GPATCH8: variants seen among roughly 807,000 people sequenced by gnomAD.
The protein encoded by GPATCH8 is G patch domain-containing protein 8.
Under a neutral mutation model 118.3 loss-of-function variants are expected in GPATCH8, and 18 were observed. That is an observed-to-expected ratio of 0.15 (90% confidence interval 0.11 to 0.23). The LOEUF (loss-of-function observed/expected upper bound fraction) is 0.23, where lower values mean the gene tolerates loss of function less well. Among genes scored for constraint, GPATCH8 ranks in the 10% least tolerant of loss-of-function variants. The pLI is 1.00. For synonymous variants in GPATCH8, 659 were observed against 684.7 expected, an observed-to-expected ratio of 0.96 and a Z score of 0.59; for missense variants, 1,631 against 1,873.8, an observed-to-expected ratio of 0.87 and a Z score of 2.39.
At chr17:44,452,950 C>T (rs1400870841) in intron 3 of GPATCH8, among the ~76,000 whole-genome samples, 1 of 152,168 alleles carries the variant, frequency 6.6e-6, no homozygotes, top group Middle Eastern at 3.4e-3. Context: ...ACCTCATTCT[C>T]CCAGGTGGCT....
At chr17:44,437,134 A>G (rs1026552257) in intron 3 of GPATCH8, among the ~76,000 whole-genome samples, 3 of 152,222 alleles carry the variant, frequency 2.0e-5, no homozygotes, top group African/African-American at 7.2e-5. Context: ...AAGTTTAAAT[A>G]AAAAGAAACA....
Position 44,399,042 on chromosome 17 carries a change from T to G in GPATCH8, c.3035A>C (p.His1012Pro). 6.2e-7 allele frequency: 1 copy of G among 1,614,136 alleles called. No homozygotes were observed. ...AGAATGCCTCTCCTCAGGGCTCTCG[T>G]GACCCCATGATCTCTTCCTGGAGCC... The part of the protein sequence containing the change: ...RSGSRKRSWG[H>P]ESPEERHSGR... The change falls in exon 8 of 8, where the codon CAC becomes CCC. Residue 1012 changes from histidine to proline, a missense_variant. Transcript: ENST00000591680.
Position 44,449,454 on chromosome 17 carries a change from C to T in GPATCH8, c.194-12909G>A, listed in dbSNP as rs570106886. 6.6e-5 allele frequency among the ~76,000 whole-genome samples: 10 copies of T among 151,948 alleles called. No individual in the cohort carries two copies. The East Asian group carries it at 1.6e-3, about 24-fold the overall frequency. ...CTGAACTCAAGCCATCCTCCCACCT[C>T]AGCCTCCCAAAGTGCTGGGGTTACA... On this transcript the variant is annotated intron_variant, in intron 3 of 7. Transcript: ENST00000591680.
chr17:44,470,882 T>C (rs1452349876), intron 2 of GPATCH8, among the ~76,000 whole-genome samples: 1 of 152,234 alleles, frequency 6.6e-6, no homozygotes, highest in Non-Finnish European at 1.5e-5. Context: ...CTTCTGTGAT[T>C]GAATCCTAGA....
intron 3 of GPATCH8, among the ~76,000 whole-genome samples, chr17:44,455,476 G>C (rs1407764297): frequency 6.6e-6 from 1 of 150,996 alleles, no homozygotes; most frequent in Admixed American, 6.6e-5. Context: ...CTACAGCCTG[G>C]GCAACAAGAG....
rs1171598586 is a variant in GPATCH8, at chr17:44,408,689, C to A, written c.493-2638G>T. Among the ~76,000 whole-genome samples, 3 of 152,182 alleles carry A rather than the reference C, an allele frequency of 2.0e-5. No individual in the cohort carries two copies. The South Asian group carries it at 6.2e-4, about 32-fold the overall frequency. On this transcript the variant is annotated intron_variant, in intron 6 of 7. Coordinates refer to ENST00000591680, the MANE Select transcript of GPATCH8 (RefSeq NM_001002909.4). Reference sequence around the variant, plus strand: ...GATTAGGCTTTCCATTCAGCAGCCACTCTGTACAACCTTGAAGATGAAGGA... The same window carrying A: ...GATTAGGCTTTCCATTCAGCAGCCAATCTGTACAACCTTGAAGATGAAGGA...
In GPATCH8 at chr17:44,442,122, T is replaced by TAG. The variant is rs1369615165; in HGVS notation, c.194-5579_194-5578dup. 4.0e-3 allele frequency among the ~76,000 whole-genome samples: 512 copies of TAG among 128,964 alleles called. 2 individuals carry two copies. Among genetic ancestry groups the TAG allele is most frequent in the Middle Eastern group, 0.031 (8 of 260 alleles). 84.6% of individuals were successfully genotyped at this position (128,964 alleles called of 152,430 possible). The stretch of plus-strand genomic sequence containing the variant: ...GTATATATATACATATATATATATA[T>TAG]AGAGAGAGAGAGAGAGAGAGAAGGA... On this transcript the variant is annotated intron_variant, in intron 3 of 7. Coordinates refer to ENST00000591680, the MANE Select transcript of GPATCH8 (RefSeq NM_001002909.4).
intron 3 of GPATCH8, among the ~76,000 whole-genome samples, chr17:44,453,500 G>GTGTGT: frequency 7.0e-6 from 1 of 142,776 alleles, no homozygotes; most frequent in East Asian, 2.1e-4. Context: ...GGTAGGTAGG[G>GTGTGT]GTGTGTGTGT....
intron 3 of GPATCH8, among the ~76,000 whole-genome samples, chr17:44,454,009 A>G (rs1397551609): frequency 6.6e-6 from 1 of 152,202 alleles, no homozygotes; most frequent in Non-Finnish European, 1.5e-5. Flanking sequence ...ATCTGCTCCA[A>G]TTAGCCACAC....
chr17:44,398,321 G>A lies in GPATCH8; in HGVS notation c.3756C>T (p.Thr1252=). The change falls in exon 8 of 8, where the codon ACC becomes ACT. Residue 1252 remains threonine, a synonymous_variant. Transcript: ENST00000591680. ...NYLPDPSDGD[T]LESLDSSSQP... is the part of the protein sequence containing the mutation. ...GACTGCTGCTATCCAGGGACTCCAG[G>A]GTGTCCCCATCACTGGGGTCGGGGA... 1 of 1,614,048 alleles carries A rather than the reference G, an allele frequency of 6.2e-7. No individual in the cohort carries two copies. Among genetic ancestry groups the A allele is most frequent in the African/African-American group, 1.3e-5 (1 of 75,042 alleles).
chr17:44,410,527 T>C (rs1299495841), intron 6 of GPATCH8, among the ~76,000 whole-genome samples: 1 of 152,204 alleles, frequency 6.6e-6, no homozygotes, highest in Non-Finnish European at 1.5e-5. Context: ...CTGAAAATTA[T>C]ACGATATGCT....
intron 3 of GPATCH8, among the ~76,000 whole-genome samples, chr17:44,446,443 T>C (rs370740379): frequency 6.6e-6 from 1 of 152,154 alleles, no homozygotes; most frequent in South Asian, 2.1e-4. Flanking sequence ...CAGGCGCCTG[T>C]AGTCCCAGCT....
chr17:44,492,227 G>A (rs1969299235), intron 1 of GPATCH8, among the ~76,000 whole-genome samples: 1 of 149,506 alleles, frequency 6.7e-6, no homozygotes, highest in African/African-American at 2.5e-5. Flanking sequence ...CGAGAACCTG[G>A]GAGGCGGAGC....
chr17:44,429,548 G>A (rs1289551047), intron 5 of GPATCH8, among the ~76,000 whole-genome samples: 3 of 151,948 alleles, frequency 2.0e-5, no homozygotes, highest in East Asian at 1.9e-4. Flanking sequence ...GGTGGCTCAC[G>A]CCTGTAATCC....
intron 1 of GPATCH8, among the ~76,000 whole-genome samples, chr17:44,489,607 T>C (rs1188913642): frequency 6.6e-6 from 1 of 152,218 alleles, no homozygotes; most frequent in Non-Finnish European, 1.5e-5. Flanking sequence ...CCCAAAGGGC[T>C]GGGATTACAG....
chr17:44,479,965 CAAA>C (rs200988896), intron 1 of GPATCH8, among the ~76,000 whole-genome samples: 2 of 135,118 alleles, frequency 1.5e-5, no homozygotes, highest in Non-Finnish European at 3.1e-5. Flanking sequence ...GACTCCGTCT[CAAA>C]AAAAAAAAAA....
Position 44,397,941 on chromosome 17 carries a change from A to G in GPATCH8, c.4136T>C (p.Ile1379Thr), listed in dbSNP as rs1456638051. Residue 1379 changes from isoleucine to threonine, a missense_variant, in exon 8 of 8, where the codon ATC (isoleucine) becomes ACC (threonine). This residue lies in a region of GPATCH8 where 111 missense variants were observed against 112.4 expected (regional missense o/e 0.99). Coordinates refer to ENST00000591680, the MANE Select transcript of GPATCH8 (RefSeq NM_001002909.4). ...AGCTGCGGCAGCATGATGTTGTAGGATGGCATGCTGAACAGTTGTGATGGA... is the reference window on the plus strand; with the variant it reads ...AGCTGCGGCAGCATGATGTTGTAGGGTGGCATGCTGAACAGTTGTGATGGA... Reference protein sequence around the residue: ...ATSITTVQHAILQHHAAAAAA... With the variant: ...ATSITTVQHATLQHHAAAAAA... The G allele has an allele frequency of 6.2e-7, 1 of 1,613,784 alleles. No homozygotes were observed. The highest frequency in any genetic ancestry group is 2.2e-5 in the East Asian group (1 of 44,864).
chr17:44,428,696 G>C (rs572906126), intron 5 of GPATCH8, among the ~76,000 whole-genome samples: 6 of 151,786 alleles, frequency 4.0e-5, no homozygotes, highest in African/African-American at 1.5e-4. Flanking sequence ...CCAGATGCTC[G>C]GGAAGCTGAG....
rs144232073 is a variant in GPATCH8 at position 44,429,649 on chromosome 17, A to AACACACACAC, written c.349-5167_349-5158dup. On this transcript the variant is annotated intron_variant, in intron 5 of 7. Coordinates refer to ENST00000591680, the MANE Select transcript of GPATCH8 (RefSeq NM_001002909.4). ...ACATGGTGAAACCCCGTCTCTACTAAACACACACACACACACACACACACA... is the reference window on the plus strand; with the variant it reads ...ACATGGTGAAACCCCGTCTCTACTAAACACACACACACACACACACACACACACACACACA... Among the ~76,000 whole-genome samples the AACACACACAC allele has an allele frequency of 8.5e-3, 1,062 of 125,672 alleles. 15 individuals are homozygous for AACACACACAC. The highest frequency in any genetic ancestry group is 9.1e-3 in the Non-Finnish European group (536 of 58,680). 82.4% of individuals were successfully genotyped at this position (125,672 alleles called of 152,430 possible). A position where few individuals can be genotyped will look rare whatever the true frequency, so the allele number is the denominator to read the frequency against.
Sources: gnomAD v4.1 joint callset for allele counts (sites outside exome capture counted in the v4.1 genomes callset) on GRCh38, gnomAD v4.1.1 for gene constraint, gnomAD v4.1.1 regional missense constraint, MANE v1.5 for transcripts, NCBI Gene and HGNC (gene_info 2026-07-23, HGNC 2026-07-21) for gene names.